Variants in VTI1A observed in about 807,000 individuals in gnomAD.
The protein encoded by VTI1A is vesicle transport through interaction with t-SNAREs homolog 1A.
Under a neutral mutation model 34.9 loss-of-function variants are expected in VTI1A, and 22 were observed. That is an observed-to-expected ratio of 0.63 (90% CI 0.45 to 0.90). The LOEUF (loss-of-function observed/expected upper bound fraction) is 0.90. Ranked by LOEUF, VTI1A falls within the 40% of genes least tolerant of loss-of-function variation. The pLI is 0.00. For synonymous variants in VTI1A, 87 were observed against 97.3 expected, an observed-to-expected ratio of 0.89 and a Z score of 0.62; for missense variants, 268 against 275.6, an observed-to-expected ratio of 0.97 and a Z score of 0.20.
intron 7 of VTI1A, among the ~76,000 whole-genome samples, chr10:112,700,261 A>G (rs1478624344): frequency 6.6e-6 from 1 of 152,108 alleles, no homozygotes; most frequent in Non-Finnish European, 1.5e-5. Flanking sequence ...GTGAGATTGG[A>G]TGTTACTGGT....
intron 1 of VTI1A, among the ~76,000 whole-genome samples, chr10:112,455,157 T>TCCCTCCCC (rs1847394200): frequency 3.4e-5 from 1 of 29,364 alleles, no homozygotes; most frequent in Middle Eastern, 0.014. Context: ...TCCCTCCCCT[T>TCCCTCCCC]CCCTCCTCCC....
intron 5 of VTI1A, among the ~76,000 whole-genome samples, chr10:112,629,035 TA>T (rs1485349830): frequency 6.6e-6 from 1 of 152,210 alleles, no homozygotes; most frequent in Non-Finnish European, 1.5e-5. Context: ...GTTACTCACT[TA>T]ATCATGAACA....
intron 7 of VTI1A, among the ~76,000 whole-genome samples, chr10:112,692,882 G>A (rs1021450558): frequency 1.3e-5 from 2 of 152,352 alleles, no homozygotes; most frequent in South Asian, 4.1e-4. Flanking sequence ...CCACCAGACA[G>A]TGAGTCCCTG....
intron 7 of VTI1A, among the ~76,000 whole-genome samples, chr10:112,720,005 G>T (rs1849743572): frequency 6.6e-6 from 1 of 152,130 alleles, no homozygotes; most frequent in Admixed American, 6.5e-5. Flanking sequence ...ACTATATGTG[G>T]TATTTTGCGT....
chr10:112,607,828 A>G (rs1211445263), intron 5 of VTI1A, among the ~76,000 whole-genome samples: 1 of 152,154 alleles, frequency 6.6e-6, no homozygotes, highest in Non-Finnish European at 1.5e-5. Context: ...TTGTGCTTTT[A>G]TTCCATCCCT....
At chr10:112,560,507 T>C (rs1851688642) in intron 5 of VTI1A, among the ~76,000 whole-genome samples, 1 of 152,064 alleles carries the variant, frequency 6.6e-6, no homozygotes, top group Non-Finnish European at 1.5e-5. Flanking sequence ...TTGTTTGCCT[T>C]CTCCACAAGA....
rs137935655 is a variant in VTI1A, at chr10:112,726,403, C to G, written c.560+57405C>G. On this transcript the variant is annotated intron_variant, in intron 7 of 7. Coordinates refer to ENST00000393077, the MANE Select transcript of VTI1A (RefSeq NM_145206.4). ...AGGGAGTCAACCTCCTGTTGCTGTC[C>G]AAGCCGTCAGTAGACAAATTTAGTC... 5.8e-4 allele frequency among the ~76,000 whole-genome samples: 89 copies of G among 152,178 alleles called. 2 individuals carry two copies. In the East Asian group the frequency reaches 0.017, roughly 28 times the overall value.
chr10:112,533,934 A>G (rs1209576034), intron 4 of VTI1A, among the ~76,000 whole-genome samples: 1 of 151,646 alleles, frequency 6.6e-6, no homozygotes, highest in East Asian at 1.9e-4. Context: ...TAACATTCTG[A>G]TTTACTTTAC....
At chr10:112,775,843 A>G (rs572948711) in intron 7 of VTI1A, among the ~76,000 whole-genome samples, 52 of 152,346 alleles carry the variant, frequency 3.4e-4, no homozygotes, top group African/African-American at 1.3e-3. Flanking sequence ...TTTTAAAAAT[A>G]TATCACCAGA....
chr10:112,841,207 AC>A, the VTI1A span, among the ~76,000 whole-genome samples: 1 of 152,020 alleles, frequency 6.6e-6, no homozygotes, highest in Admixed American at 6.6e-5. Flanking sequence ...TGCAGCTGTG[AC>A]CCTCTCCCCA....
chr10:112,675,378 T>C (rs1162504432), intron 7 of VTI1A, among the ~76,000 whole-genome samples: 1 of 152,194 alleles, frequency 6.6e-6, no homozygotes. Flanking sequence ...CTATTTGTCC[T>C]TCTATGAAGA....
Position 112,576,003 on chromosome 10 carries a change from C to CCTTTT in VTI1A, c.427+37689_427+37693dup, listed in dbSNP as rs200835451. ...TTGCCCATTCCCACCCTGCCCCCTGCCTTTTCTTTTCTTTTCTTTTTTTTT... is the reference window on the plus strand; with the variant it reads ...TTGCCCATTCCCACCCTGCCCCCTGCCTTTTCTTTTCTTTTCTTTTCTTTTTTTTT... On this transcript the variant is annotated intron_variant, in intron 5 of 7. Transcript: ENST00000393077. 4.1e-3 allele frequency among the ~76,000 whole-genome samples: 607 copies of CCTTTT among 148,126 alleles called. 8 individuals are homozygous for CCTTTT. Among genetic ancestry groups the CCTTTT allele is most frequent in the African/African-American group, 0.014 (561 of 38,932 alleles).
chr10:112,565,389 A>T (rs917281332), intron 5 of VTI1A, among the ~76,000 whole-genome samples: 11 of 152,010 alleles, frequency 7.2e-5, no homozygotes, highest in African/African-American at 1.4e-4. Flanking sequence ...GAAACAGAAA[A>T]TTTTTTTCTG....
chr10:112,524,099 A>G (rs117823119), intron 3 of VTI1A, among the ~76,000 whole-genome samples: 1 of 152,092 alleles, frequency 6.6e-6, no homozygotes, highest in Non-Finnish European at 1.5e-5. Context: ...TCCATAAAAT[A>G]AGCAGTTTGT....
At chr10:112,460,624 C>A in intron 2 of VTI1A, 42 bp downstream of exon 2, 1 of 1,499,290 alleles carries the variant, frequency 6.7e-7, no homozygotes, top group Non-Finnish European at 9.0e-7. Flanking sequence ...CAGCCAGAGC[C>A]GTTTAAGCTA....
intron 3 of VTI1A, among the ~76,000 whole-genome samples, chr10:112,521,431 A>G (rs1850025962): frequency 6.6e-6 from 1 of 152,046 alleles, no homozygotes; most frequent in African/African-American, 2.4e-5. Flanking sequence ...TACTAGTTTT[A>G]TTGCATCCTT....
intron 7 of VTI1A, among the ~76,000 whole-genome samples, chr10:112,670,517 C>G (rs946189874): frequency 3.9e-5 from 6 of 152,116 alleles, no homozygotes; most frequent in Non-Finnish European, 8.8e-5. Context: ...TATTTCTGTC[C>G]ATGTTTCTGC....
rs142536360 is a variant in VTI1A at position 112,495,792 on chromosome 10, A to G, written c.264+31135A>G. ...CAGGAATTGTATTTAGAGTTCAAGT[A>G]GAATTTAGAATTGTATTTAGAATTG... is the stretch of plus-strand genomic sequence containing the variant. On this transcript the variant is annotated intron_variant, in intron 3 of 7. Transcript: ENST00000393077. 7.3e-3 allele frequency among the ~76,000 whole-genome samples: 1,111 copies of G among 152,334 alleles called. 20 individuals are homozygous for G. Among genetic ancestry groups the G allele is most frequent in the African/African-American group, 0.025 (1,055 of 41,574 alleles).
At chr10:112,853,757 A>G in the VTI1A span, among the ~76,000 whole-genome samples, 2 of 152,208 alleles carry the variant, frequency 1.3e-5, no homozygotes, top group African/African-American at 4.8e-5. Flanking sequence ...AAAACTCATC[A>G]TAAGGAACAA....
Sources: allele counts gnomAD v4.1 joint callset (sites outside exome capture counted in the v4.1 genomes callset), GRCh38; gene constraint gnomAD v4.1.1; transcripts MANE v1.5; gene names NCBI Gene and HGNC (gene_info 2026-07-23, HGNC 2026-07-21).